Variants in PMFBP1 observed in about 807,000 individuals in gnomAD.
The protein encoded by PMFBP1 is polyamine-modulated factor 1-binding protein 1.
PMFBP1 carries 131 observed loss-of-function variants against 137.8 expected under a neutral mutation model. The observed-to-expected ratio is 0.95, with a 90% CI of 0.82 to 1.10. The LOEUF is 1.10. Ranked by LOEUF, PMFBP1 falls within the 50% of genes least tolerant of loss-of-function variation. The pLI, the probability that PMFBP1 is intolerant of heterozygous loss-of-function variation, is 0.00. For synonymous variants in PMFBP1, 490 were observed against 450.4 expected (o/e 1.09, Z -1.11); for missense variants, 1,199 against 1,175.4 (o/e 1.02, Z -0.29).
chr16:72,162,380 A>G (rs550199044), intron 3 of PMFBP1, among the ~76,000 whole-genome samples: 2 of 152,016 alleles, frequency 1.3e-5, no homozygotes, highest in Non-Finnish European at 2.9e-5. Flanking sequence ...CTTTTCTATC[A>G]CTTGCCCCTT....
At chr16:72,235,725 A>T in the PMFBP1 span, among the ~76,000 whole-genome samples, 1 of 125,608 alleles carries the variant, frequency 8.0e-6, no homozygotes, top group African/African-American at 3.8e-5. Context: ...TATTAAATTT[A>T]TTCCCAAGTT....
At chr16:72,148,336 C>A (rs573510174) in intron 5 of PMFBP1, among the ~76,000 whole-genome samples, 4 of 108,310 alleles carry the variant, frequency 3.7e-5, no homozygotes, top group African/African-American at 1.4e-4. Context: ...CACATGGATA[C>A]GGGGCAGGGA....
At chr16:72,155,648 C>T (rs1252643268) in intron 3 of PMFBP1, among the ~76,000 whole-genome samples, 1 of 152,178 alleles carries the variant, frequency 6.6e-6, no homozygotes, top group African/African-American at 2.4e-5. Flanking sequence ...TAACAGAGTA[C>T]TTCTAATACC....
chr16:72,178,646 C>G (rs2043266416), upstream of PMFBP1, among the ~76,000 whole-genome samples: 1 of 152,144 alleles, frequency 6.6e-6, no homozygotes, highest in Non-Finnish European at 1.5e-5. Flanking sequence ...TTTTGTTGCT[C>G]AAATGTTCCA....
chr16:72,167,794 G>A (rs950627780), intron 2 of PMFBP1, among the ~76,000 whole-genome samples: 3 of 152,200 alleles, frequency 2.0e-5, no homozygotes, highest in African/African-American at 7.2e-5. Context: ...CTGAATATAC[G>A]TGTCTTAAGG....
chr16:72,156,480 C>T (rs1030275871), intron 3 of PMFBP1, among the ~76,000 whole-genome samples: 3 of 151,636 alleles, frequency 2.0e-5, no homozygotes, highest in Non-Finnish European at 2.9e-5. Context: ...ATTAGCCAGG[C>T]GTGGTGGCGG....
chr16:72,153,261 T>C (rs1315680242), intron 4 of PMFBP1, among the ~76,000 whole-genome samples: 1 of 152,192 alleles, frequency 6.6e-6, no homozygotes, highest in Non-Finnish European at 1.5e-5. Context: ...CCACTCTTAA[T>C]TCTTTTGAGC....
intron 6 of PMFBP1, 135 bp from the exon 7 acceptor site, chr16:72,139,534 G>A (rs1020327220): frequency 1.4e-6 from 1 of 709,478 alleles, no homozygotes; most frequent in African/African-American, 1.8e-5. Flanking sequence ...CATTCCCTGT[G>A]GGGTAGGTAG....
intron 5 of PMFBP1, among the ~76,000 whole-genome samples, chr16:72,141,048 C>T (rs1170327362): frequency 6.7e-6 from 1 of 149,588 alleles, no homozygotes; most frequent in Non-Finnish European, 1.5e-5. Flanking sequence ...GATTCTCCTG[C>T]CTCAGCCCCC....
the PMFBP1 span, among the ~76,000 whole-genome samples, chr16:72,245,800 C>T: frequency 1.3e-5 from 2 of 152,198 alleles, no homozygotes; most frequent in Non-Finnish European, 2.9e-5. Context: ...CTCTCTCCTT[C>T]ACTCTCTCTC....
chr16:72,181,105 G>T (rs2043274850), upstream of PMFBP1, among the ~76,000 whole-genome samples: 2 of 151,888 alleles, frequency 1.3e-5, no homozygotes. Flanking sequence ...TGGACGTGGT[G>T]GCGCGCGCCT....
the PMFBP1 span, among the ~76,000 whole-genome samples, chr16:72,186,548 G>A: frequency 6.6e-6 from 1 of 152,076 alleles, no homozygotes; most frequent in Non-Finnish European, 1.5e-5. Flanking sequence ...GAGCCATGAA[G>A]GTTTTCGAGC....
At chr16:72,239,923 T>C in the PMFBP1 span, among the ~76,000 whole-genome samples, 7 of 146,130 alleles carry the variant, frequency 4.8e-5, no homozygotes, top group African/African-American at 1.8e-4. Context: ...AAAAAGAATG[T>C]TCCTGTTGTC....
At chr16:72,125,804 A>G (rs1567620705) in intron 15 of PMFBP1, among the ~76,000 whole-genome samples, 164 bp downstream of exon 15, 1 of 152,126 alleles carries the variant, frequency 6.6e-6, no homozygotes, top group Non-Finnish European at 1.5e-5. Context: ...AAGCCTCACA[A>G]AGAGGAAGCA....
At chr16:72,153,334 A>G (rs902315805) in intron 4 of PMFBP1, among the ~76,000 whole-genome samples, 1 of 152,218 alleles carries the variant, frequency 6.6e-6, no homozygotes, top group African/African-American at 2.4e-5. Context: ...GGTCCTACCT[A>G]AAGTCCTTGA....
At chr16:72,189,184 T>G in the PMFBP1 span, among the ~76,000 whole-genome samples, 1 of 152,208 alleles carries the variant, frequency 6.6e-6, no homozygotes, top group Non-Finnish European at 1.5e-5. Flanking sequence ...ATTATTATTT[T>G]CATTCTACAG....
the PMFBP1 span, among the ~76,000 whole-genome samples, chr16:72,216,899 G>A: frequency 6.6e-6 from 1 of 152,206 alleles, no homozygotes; most frequent in African/African-American, 2.4e-5. Flanking sequence ...GTAGTGAAGC[G>A]AGAAAGGGAG....
At chr16:72,157,940 A>T (rs1293876842) in intron 3 of PMFBP1, among the ~76,000 whole-genome samples, 1 of 152,186 alleles carries the variant, frequency 6.6e-6, no homozygotes, top group African/African-American at 2.4e-5. Context: ...GGTCATCCGT[A>T]ACAGATGATG....
In PMFBP1 at chr16:72,150,777, T is replaced by C. The variant is rs559425042; in HGVS notation, c.467A>G (p.Lys156Arg). 14 of 1,614,178 alleles carry C rather than the reference T, an allele frequency of 8.7e-6. No individual in the cohort carries two copies. The African/African-American group carries it at 1.7e-4, about 20-fold the overall frequency. ...MGNHNENTGEKLHLAQEQLAL... is the reference protein window; with the variant it reads ...MGNHNENTGERLHLAQEQLAL... ...GAGTTGCTCCTGCGCCAAATGGAGC[T>C]TCTCCCCTGTGTTCTCGTTGTGATT... Residue 156 changes from lysine (K) to arginine (R), a missense_variant, in exon 5 of 21, where the codon AAG becomes AGG. Physicochemically the swap from Lys to Arg is conservative, Grantham distance 26. Transcript: ENST00000237353.
Sources: gnomAD v4.1 joint callset for allele counts (sites outside exome capture counted in the v4.1 genomes callset) on GRCh38, gnomAD v4.1.1 for gene constraint, MANE v1.5 for transcripts, NCBI Gene and HGNC (gene_info 2026-07-23, HGNC 2026-07-21) for gene names.